The following TANGO6 variants were observed in gnomAD, a reference collection of about 807,000 sequenced individuals.
The protein encoded by TANGO6 is transport and Golgi organization protein 6 homolog.
A neutral mutation model predicts 114.2 loss-of-function variants in TANGO6; 90 were observed. The ratio of observed to expected loss-of-function variants is 0.79; its 90% CI spans 0.66 to 0.94. The LOEUF (loss-of-function observed/expected upper bound fraction) is 0.94. TANGO6 is among the 40% of genes least tolerant of loss of function. The pLI is 0.00. For synonymous variants in TANGO6, 477 were observed against 509.8 expected (o/e 0.94, Z 0.87); for missense variants, 1,274 against 1,315.3 (o/e 0.97, Z 0.49).
At chr16:68,936,014 CCA>C (rs1461614854) in intron 14 of TANGO6, among the ~76,000 whole-genome samples, 1 of 152,034 alleles carries the variant, frequency 6.6e-6, no homozygotes, top group Non-Finnish European at 1.5e-5. Context: ...GACCTTGTCT[CCA>C]CACACACAAA....
At chr16:68,946,751 A>G (rs1281098695) in intron 14 of TANGO6, among the ~76,000 whole-genome samples, 1 of 152,150 alleles carries the variant, frequency 6.6e-6, no homozygotes, top group Non-Finnish European at 1.5e-5. Flanking sequence ...ATCTGCCTGT[A>G]TCAGCCTCCC....
At chr16:69,034,873 T>C (rs1959661683) in intron 16 of TANGO6, 1 of 151,994 alleles carries the variant, frequency 6.6e-6, no homozygotes, top group South Asian at 2.1e-4. Flanking sequence ...TTTTCTTTTT[T>C]TTTTTTTTCA....
intron 17 of TANGO6, among the ~76,000 whole-genome samples, chr16:69,059,353 T>C (rs1484242762): frequency 6.6e-6 from 1 of 151,846 alleles, no homozygotes; most frequent in Admixed American, 6.6e-5. Flanking sequence ...ACTACAGGCG[T>C]GAGCCACCAT....
At chr16:68,989,020 C>T (rs1963923265) in intron 15 of TANGO6, among the ~76,000 whole-genome samples, 1 of 152,096 alleles carries the variant, frequency 6.6e-6, no homozygotes, top group Non-Finnish European at 1.5e-5. Flanking sequence ...CATGCCAACA[C>T]ACCTGGCTAA....
At chr16:68,994,097 T>G (rs1307002585) in intron 15 of TANGO6, among the ~76,000 whole-genome samples, 8 of 152,232 alleles carry the variant, frequency 5.3e-5, no homozygotes, top group African/African-American at 1.4e-4. Context: ...TGAGATGGAA[T>G]GAGTAATCTA....
At chr16:68,978,922 A>C (rs528819266) in intron 15 of TANGO6, among the ~76,000 whole-genome samples, 1 of 135,042 alleles carries the variant, frequency 7.4e-6, no homozygotes, top group Non-Finnish European at 1.6e-5. Context: ...TATAAAGTAT[A>C]TGATTTTTTT....
intron 17 of TANGO6, among the ~76,000 whole-genome samples, chr16:69,058,909 C>CTT (rs754689921): frequency 5.1e-5 from 7 of 136,572 alleles, no homozygotes; most frequent in East Asian, 2.1e-4. Context: ...CTTTTCTACT[C>CTT]TTTTTTTTTT....
intron 14 of TANGO6, among the ~76,000 whole-genome samples, chr16:68,971,374 A>G (rs984677175): frequency 6.6e-6 from 1 of 152,032 alleles, no homozygotes; most frequent in South Asian, 2.1e-4. Context: ...GGGCTCAAGC[A>G]ATCCTCCTGC....
At chr16:68,861,873 C>G (rs1230156056) in intron 2 of TANGO6, among the ~76,000 whole-genome samples, 1 of 152,004 alleles carries the variant, frequency 6.6e-6, no homozygotes, top group East Asian at 1.9e-4. Context: ...AAGGGTACCC[C>G]AAAATTGTAC....
intron 10 of TANGO6, among the ~76,000 whole-genome samples, chr16:68,908,350 C>T (rs911014947): frequency 2.0e-5 from 3 of 152,120 alleles, no homozygotes; most frequent in Admixed American, 2.0e-4. Flanking sequence ...CAGCAATACT[C>T]TTTCTAAATC....
At chr16:68,848,206 G>C (rs1005318403) in intron 1 of TANGO6, among the ~76,000 whole-genome samples, 1 of 151,922 alleles carries the variant, frequency 6.6e-6, no homozygotes, top group Non-Finnish European at 1.5e-5. Flanking sequence ...TTCTGGGCTC[G>C]GGTGATGCTT....
intron 15 of TANGO6, among the ~76,000 whole-genome samples, chr16:69,000,063 A>T (rs1964026537): frequency 6.6e-6 from 1 of 152,236 alleles, no homozygotes; most frequent in South Asian, 2.1e-4. Context: ...TTCGCCAGGA[A>T]ATTTGGTTAC....
At chr16:69,006,851 T>C (rs1018046906) in intron 15 of TANGO6, among the ~76,000 whole-genome samples, 2 of 152,198 alleles carry the variant, frequency 1.3e-5, no homozygotes, top group African/African-American at 4.8e-5. Context: ...TGTTGTATGC[T>C]CACAGGGTTG....
intron 15 of TANGO6, among the ~76,000 whole-genome samples, chr16:69,003,961 C>G (rs967168105): frequency 6.6e-6 from 1 of 151,310 alleles, no homozygotes; most frequent in African/African-American, 2.4e-5. Context: ...TATTTTCTTC[C>G]TAAATCCACA....
At chr16:69,065,362 C>T (rs1960198878) in intron 17 of TANGO6, among the ~76,000 whole-genome samples, 1 of 152,220 alleles carries the variant, frequency 6.6e-6, no homozygotes, top group Non-Finnish European at 1.5e-5. Flanking sequence ...GCTATCATCC[C>T]TCCCAAGGGT....
intron 17 of TANGO6, among the ~76,000 whole-genome samples, chr16:69,051,473 T>G (rs1428871518): frequency 6.6e-6 from 1 of 152,068 alleles, no homozygotes; most frequent in African/African-American, 2.4e-5. Flanking sequence ...GTCAGGAGTT[T>G]GACAACACGG....
At chr16:68,980,293 A>G (rs1963811962) in intron 15 of TANGO6, among the ~76,000 whole-genome samples, 1 of 148,360 alleles carries the variant, frequency 6.7e-6, no homozygotes, top group Non-Finnish European at 1.5e-5. Context: ...AATGAAGGTA[A>G]ATCTATCTTT....
At chr16:68,903,895 C>T (rs1434292988) in intron 9 of TANGO6, among the ~76,000 whole-genome samples, 1 of 149,812 alleles carries the variant, frequency 6.7e-6, no homozygotes, top group Non-Finnish European at 1.5e-5. Context: ...GCACTTCAGC[C>T]TAGGTGACAG....
chr16:68,990,646 A>G (rs1269132026), intron 15 of TANGO6, among the ~76,000 whole-genome samples: 5 of 152,158 alleles, frequency 3.3e-5, no homozygotes, highest in African/African-American at 1.2e-4. Flanking sequence ...GACTCAAGTG[A>G]TCCTCCCACC....
Sources: allele counts gnomAD v4.1 joint callset (sites outside exome capture counted in the v4.1 genomes callset), GRCh38; gene constraint gnomAD v4.1.1; transcripts MANE v1.5; gene names NCBI Gene and HGNC (gene_info 2026-07-23, HGNC 2026-07-21).